Variants in PALD1 observed in about 807,000 individuals in gnomAD.
PALD1 encodes the protein paladin.
A neutral mutation model predicts 96.0 loss-of-function variants in PALD1; 57 were observed. The ratio of observed to expected loss-of-function variants is 0.59; its 90% CI spans 0.48 to 0.74. PALD1 has a LOEUF of 0.74. Among genes scored for constraint, PALD1 ranks in the 30% least tolerant of loss-of-function variants. The pLI is 0.00. For missense variants in PALD1, 1,063 were observed against 1,143.7 expected (o/e 0.93, Z 1.02); for synonymous variants, 464 against 473.6 (o/e 0.98, Z 0.26).
chr10:70,467,569 C>G, the PALD1 span, among the ~76,000 whole-genome samples: 8 of 152,146 alleles, frequency 5.3e-5, 1 homozygote, highest in East Asian at 1.5e-3. Flanking sequence ...AGTGAGATCC[C>G]CGTCACTGGG....
At chr10:70,523,090 C>T (rs1046042554) in intron 1 of PALD1, among the ~76,000 whole-genome samples, 3 of 152,246 alleles carry the variant, frequency 2.0e-5, no homozygotes, top group African/African-American at 4.8e-5. Context: ...ACATTGCTCT[C>T]CCACCCCTAA....
chr10:70,484,965 A>G (rs966568349), intron 1 of PALD1, among the ~76,000 whole-genome samples: 3 of 152,252 alleles, frequency 2.0e-5, no homozygotes, highest in Admixed American at 6.5e-5. Context: ...AAAGTTAAAC[A>G]AATTGTAAAC....
At chr10:70,472,286 G>A in the PALD1 span, among the ~76,000 whole-genome samples, 1 of 152,106 alleles carries the variant, frequency 6.6e-6, no homozygotes, top group Non-Finnish European at 1.5e-5. Flanking sequence ...TTGAGACGGA[G>A]TTTTGCTCTT....
chr10:70,555,298 C>A (rs1163981677), intron 18 of PALD1, among the ~76,000 whole-genome samples: 1 of 151,886 alleles, frequency 6.6e-6, no homozygotes, highest in Non-Finnish European at 1.5e-5. Flanking sequence ...TCTAAGAACT[C>A]ACCTTTTGTC....
intron 1 of PALD1, among the ~76,000 whole-genome samples, chr10:70,504,109 CTGTT>C (rs1846345239): frequency 6.6e-6 from 1 of 152,268 alleles, no homozygotes; most frequent in Non-Finnish European, 1.5e-5. Context: ...TGAAATCAAA[CTGTT>C]TGTAAACGTA....
rs1847183653 is a variant in PALD1, at chr10:70,539,203, A to G, written c.1681A>G (p.Ser561Gly). The change falls in exon 14 of 20, where the codon AGC becomes GGC. Residue 561 changes from serine to glycine, a missense_variant. Ser to Gly is a moderately conservative substitution (Grantham distance 56, BLOSUM62 0). Coordinates refer to ENST00000263563, the MANE Select transcript of PALD1 (RefSeq NM_014431.3). This position sits in a 1 kb window ranked among gnomAD's most constrained non-coding sequence, Gnocchi z 4.5. ...AVLECDGHTY[S>G]LRWPGPPVAP... ...GTTGGAGTGTGACGGGCACACCTAC[A>G]GCCTGCGGTGGCCTGGGCCCCCTGT... is the stretch of plus-strand genomic sequence containing the variant. The G allele has an allele frequency of 6.2e-7, 1 of 1,612,728 alleles. No homozygotes were observed. The highest frequency in any genetic ancestry group is 1.3e-5 in the African/African-American group (1 of 75,042).
At chr10:70,553,985 G>A (rs966834786) in intron 18 of PALD1, among the ~76,000 whole-genome samples, 2 of 152,190 alleles carry the variant, frequency 1.3e-5, no homozygotes, top group Non-Finnish European at 2.9e-5. Flanking sequence ...GAACAGCCTC[G>A]ACCCTTCTCT....
chr10:70,563,025 C>T (rs947526973), intron 18 of PALD1, among the ~76,000 whole-genome samples: 10 of 152,290 alleles, frequency 6.6e-5, no homozygotes, highest in African/African-American at 2.2e-4. Flanking sequence ...GAAGCCATAA[C>T]GTGTAACCTT....
chr10:70,523,276 C>G (rs931235815), intron 1 of PALD1, among the ~76,000 whole-genome samples: 2 of 151,082 alleles, frequency 1.3e-5, no homozygotes. Flanking sequence ...CAGGCCGAGC[C>G]CAGCCCTGTG....
intron 1 of PALD1, among the ~76,000 whole-genome samples, chr10:70,490,131 C>G (rs971436980): frequency 1.3e-5 from 2 of 152,116 alleles, no homozygotes; most frequent in Admixed American, 1.3e-4. Flanking sequence ...CCGTGTTGGC[C>G]AGGCTGGTCT....
At chr10:70,520,053 G>C (rs2132337853) in intron 1 of PALD1, among the ~76,000 whole-genome samples, 1 of 152,286 alleles carries the variant, frequency 6.6e-6, no homozygotes, top group Non-Finnish European at 1.5e-5. Context: ...CATTTGTGGA[G>C]ATTGCTGTGG....
At chr10:70,515,918 C>T (rs1032467960) in intron 1 of PALD1, among the ~76,000 whole-genome samples, 2 of 152,154 alleles carry the variant, frequency 1.3e-5, no homozygotes, top group Admixed American at 6.5e-5. Context: ...TGCAAGCCCT[C>T]GCTTTTCTTT....
chr10:70,513,557 C>T (rs1313866525), intron 1 of PALD1, among the ~76,000 whole-genome samples: 3 of 152,100 alleles, frequency 2.0e-5, no homozygotes, highest in Non-Finnish European at 4.4e-5. Context: ...TCCTGTCTGC[C>T]AACACCAGGT....
chr10:70,522,250 C>A (rs115321860), intron 1 of PALD1, among the ~76,000 whole-genome samples: 1,780 of 152,250 alleles, frequency 0.012, 36 homozygotes, highest in African/African-American at 0.04. Context: ...AATGTAATTG[C>A]AGCTTCTTTG....
At chr10:70,534,359 C>G in intron 8 of PALD1, 66 bp from the exon 9 acceptor site, 1 of 1,104,080 alleles carries the variant, frequency 9.1e-7, no homozygotes, top group Non-Finnish European at 1.3e-6. Context: ...TGAGTGGAGA[C>G]AGCAGGCGGG....
At chr10:70,546,661 C>T (rs1211005065) in intron 17 of PALD1, among the ~76,000 whole-genome samples, 1 of 152,206 alleles carries the variant, frequency 6.6e-6, no homozygotes, top group Non-Finnish European at 1.5e-5. Context: ...AACAATTTGC[C>T]TCCAAATTTT....
Position 70,539,140 on chromosome 10 carries a change from C to T in PALD1, c.1618C>T (p.Arg540Trp), listed in dbSNP as rs138761019. ...AYLTDAKRRL[R>W]KVVWVSLREE... is the part of the protein sequence containing the mutation. ...CCTGACGGACGCCAAGAGGAGGCTG[C>T]GGAAGGTTGTCTGGGTGAGCCTTCG... The change falls in exon 14 of 20, where the codon CGG becomes TGG. Residue 540 changes from arginine to tryptophan, a missense_variant. Physicochemically the swap from Arg to Trp is moderately radical, Grantham distance 101. Coordinates refer to ENST00000263563, the MANE Select transcript of PALD1 (RefSeq NM_014431.3). This position sits in a 1 kb window ranked among gnomAD's most constrained non-coding sequence, Gnocchi z 4.5. 6.3e-5 allele frequency: 101 copies of T among 1,613,726 alleles called. No individual in the cohort carries two copies. Among genetic ancestry groups the T allele is most frequent in the Admixed American group, 5.0e-5 (3 of 59,960 alleles).
intron 1 of PALD1, among the ~76,000 whole-genome samples, chr10:70,513,852 A>G (rs1490217025): frequency 6.6e-6 from 1 of 152,152 alleles, no homozygotes; most frequent in African/African-American, 2.4e-5. Context: ...GTGCTGGAAA[A>G]GGTCCTGAAT....
chr10:70,532,778 A>G lies in PALD1; in HGVS notation c.791A>G (p.Tyr264Cys). Reference protein sequence around the residue: ...YKRPLFLQPTYRYHRLPLPEQ... With the variant: ...YKRPLFLQPTCRYHRLPLPEQ... The stretch of plus-strand genomic sequence containing the variant: ...CGGCCCCTCTTCCTGCAGCCCACCT[A>G]CAGGTACCACAGGGCCACCCCCAGC... The change falls in exon 6 of 20, where the codon TAC becomes TGC. Residue 264 changes from tyrosine to cysteine, a missense_variant. Physicochemically the swap from Tyr to Cys is radical, Grantham distance 194. Coordinates refer to ENST00000263563, the MANE Select transcript of PALD1 (RefSeq NM_014431.3). 1 of 1,613,906 alleles carries G rather than the reference A, an allele frequency of 6.2e-7. No individual in the cohort carries two copies. The highest frequency in any genetic ancestry group is 8.5e-7 in the Non-Finnish European group (1 of 1,179,866).
Sources: gnomAD v4.1 joint callset for allele counts (sites outside exome capture counted in the v4.1 genomes callset) on GRCh38, gnomAD v4.1.1 for gene constraint, Gnocchi (gnomAD v3.1) non-coding constraint, MANE v1.5 for transcripts, NCBI Gene and HGNC (gene_info 2026-07-23, HGNC 2026-07-21) for gene names.